Variants in GABRG3 observed in about 807,000 individuals in gnomAD.
The protein encoded by GABRG3 is gamma-aminobutyric acid receptor subunit gamma-3.
A neutral mutation model predicts 48.8 loss-of-function variants in GABRG3; 25 were observed. The ratio of observed to expected loss-of-function variants is 0.51; its 90% CI spans 0.37 to 0.72. The LOEUF (loss-of-function observed/expected upper bound fraction) is 0.72. GABRG3 is among the 30% of genes least tolerant of loss of function. The pLI is 0.00. For synonymous variants in GABRG3, 227 were observed against 217.6 expected (o/e 1.04, Z -0.38); for missense variants, 394 against 577.9 (o/e 0.68, Z 3.26).
chr15:27,198,015 T>C (rs1037079662), intron 3 of GABRG3, among the ~76,000 whole-genome samples: 9 of 152,210 alleles, frequency 5.9e-5, no homozygotes, highest in Non-Finnish European at 1.3e-4. Context: ...TTAGTCTGGC[T>C]AGCGGTCTAT....
intron 3 of GABRG3, among the ~76,000 whole-genome samples, chr15:27,212,838 T>C (rs1285446944): frequency 2.6e-5 from 4 of 152,222 alleles, no homozygotes; most frequent in Non-Finnish European, 5.9e-5. Flanking sequence ...ATGGTATTTG[T>C]CCTTTTGTGA....
Position 27,098,324 on chromosome 15 carries a change from C to T in GABRG3, c.270+71503C>T, listed in dbSNP as rs1480237430. On this transcript the variant is annotated intron_variant, in intron 3 of 9. Transcript: ENST00000615808. ...TGGCAGGCATCTATAGTTCCAGCTA[C>T]TCGGGAGGCTGATACAGGAGAATTG... 2.6e-5 allele frequency among the ~76,000 whole-genome samples: 4 copies of T among 152,234 alleles called. No individual in the cohort carries two copies. The East Asian group carries it at 5.8e-4, about 22-fold the overall frequency.
At chr15:27,204,613 T>G (rs1202022394) in intron 3 of GABRG3, among the ~76,000 whole-genome samples, 2 of 152,208 alleles carry the variant, frequency 1.3e-5, no homozygotes, top group Admixed American at 1.3e-4. Context: ...GCATTGAATC[T>G]GTAAATTGCT....
At chr15:27,057,358 G>A (rs1896567824) in intron 3 of GABRG3, among the ~76,000 whole-genome samples, 1 of 152,190 alleles carries the variant, frequency 6.6e-6, no homozygotes, top group Admixed American at 6.5e-5. Flanking sequence ...AGTAGAGAAT[G>A]TTTTCTGAAA....
chr15:27,200,873 A>G (rs376724699), intron 3 of GABRG3, among the ~76,000 whole-genome samples: 2 of 152,194 alleles, frequency 1.3e-5, no homozygotes, highest in South Asian at 2.1e-4. Flanking sequence ...TTTCTTCACT[A>G]CAAATTTTTT....
chr15:26,974,843 TTTATTA>T lies in GABRG3; in HGVS notation c.54-2117_54-2112del, dbSNP rs59391125. 0.31 allele frequency among the ~76,000 whole-genome samples: 42,891 copies of T among 140,614 alleles called. 6,617 individuals are homozygous for T. The highest frequency in any genetic ancestry group is 0.4 in the Middle Eastern group (106 of 268). The allele number at this position is 140,614 out of a possible 152,430, so 92.2% of individuals were successfully genotyped here. A position where few individuals can be genotyped will look rare whatever the true frequency, so the allele number is the denominator to read the frequency against. ...CAGATGACACGAAATATTTTTTAAA[TTTATTA>T]TTATTATTATTATTATTATTATTAT... On this transcript the variant is annotated intron_variant, in intron 1 of 9. Transcript: ENST00000615808. This position sits in a 1 kb window ranked among gnomAD's most constrained non-coding sequence, Gnocchi z 4.3.
chr15:27,341,604 C>T (rs910035261), intron 5 of GABRG3, among the ~76,000 whole-genome samples: 19 of 152,102 alleles, frequency 1.2e-4, no homozygotes, highest in African/African-American at 4.6e-4. Context: ...GAACATCAAG[C>T]ACGAAGAGAT....
chr15:27,114,515 A>G (rs1373236846), intron 3 of GABRG3, among the ~76,000 whole-genome samples: 1 of 152,224 alleles, frequency 6.6e-6, no homozygotes, highest in Non-Finnish European at 1.5e-5. Flanking sequence ...TAACAGTCCC[A>G]GTATAACCAT....
chr15:27,095,480 CT>C (rs1425872206), intron 3 of GABRG3, among the ~76,000 whole-genome samples: 1 of 116,112 alleles, frequency 8.6e-6, no homozygotes, highest in Admixed American at 9.3e-5. Context: ...CACATAGATG[CT>C]GGCGAATGTG....
rs1375653022 is a variant in GABRG3 at position 27,308,099 on chromosome 15, CAT to C, written c.271-18705_271-18704del. ...GTTTATACATCCAAACATATATAAA[CAT>C]ATATGTTTATACATCCAAACATATA... On this transcript the variant is annotated intron_variant, in intron 3 of 9. Transcript: ENST00000615808. Among the ~76,000 whole-genome samples, 52 of 125,582 alleles carry C rather than the reference CAT, an allele frequency of 4.1e-4. 1 individual carries two copies. Among genetic ancestry groups the C allele is most frequent in the East Asian group, 2.8e-3 (12 of 4,238 alleles). The allele number at this position is 125,582 out of a possible 152,430, so 82.4% of individuals were successfully genotyped here. A position where few individuals can be genotyped will look rare whatever the true frequency, so the allele number is the denominator to read the frequency against.
At position 27,271,685 on chromosome 15, in the gene GABRG3, G is replaced by A. The variant is rs182036886; in HGVS notation, c.271-55124G>A. 2.1e-3 allele frequency: 931 copies of A among 452,210 alleles called. 10 individuals carry two copies. The highest frequency in any genetic ancestry group is 0.017 in the African/African-American group (844 of 50,160). The allele number at this position is 452,210 out of a possible 1,614,324, so 28.0% of individuals were successfully genotyped here. A position where few individuals can be genotyped will look rare whatever the true frequency, so the allele number is the denominator to read the frequency against. On this transcript the variant is annotated intron_variant, in intron 3 of 9. Coordinates refer to ENST00000615808, the MANE Select transcript of GABRG3 (RefSeq NM_033223.5). The stretch of plus-strand genomic sequence containing the variant: ...TCCCCTGGGAACCGTGTGGGAGCAG[G>A]TGTGTGGTGGCTGGCACAGCGCCAG...
chr15:27,188,308 C>G (rs1035093366), intron 3 of GABRG3, among the ~76,000 whole-genome samples: 13 of 152,208 alleles, frequency 8.5e-5, no homozygotes, highest in Non-Finnish European at 1.8e-4. Flanking sequence ...GCCACACTGA[C>G]TTCCACAATG....
intron 3 of GABRG3, among the ~76,000 whole-genome samples, chr15:27,135,916 A>C (rs1898000631): frequency 6.6e-6 from 1 of 152,166 alleles, no homozygotes; most frequent in Admixed American, 6.5e-5. Flanking sequence ...AAAACAAAAC[A>C]AACAAAAAAC....
At chr15:27,349,192 A>G (rs1894473598) in intron 5 of GABRG3, among the ~76,000 whole-genome samples, 2 of 152,160 alleles carry the variant, frequency 1.3e-5, no homozygotes, top group African/African-American at 4.8e-5. Flanking sequence ...TTATACATAT[A>G]TATATATCTT....
rs1307058690 is a variant in GABRG3 at position 27,307,022 on chromosome 15, A to ATATAAACATATATAAACATGTT, written c.271-19778_271-19777insATATAAACATGTTTATAAACAT. Among the ~76,000 whole-genome samples the ATATAAACATATATAAACATGTT allele has an allele frequency of 4.6e-4, 56 of 121,632 alleles. 9 individuals are homozygous for ATATAAACATATATAAACATGTT. The highest frequency in any genetic ancestry group is 2.0e-3 in the African/African-American group (54 of 27,522). 79.8% of individuals were successfully genotyped at this position (121,632 alleles called of 152,430 possible). ...TATAAACATGTATAAACATGTTTATATATAAACATGTATAAAATAAACATG... is the reference window on the plus strand; with the variant it reads ...TATAAACATGTATAAACATGTTTATATATAAACATATATAAACATGTTTATAAACATGTATAAAATAAACATG... On this transcript the variant is annotated intron_variant, in intron 3 of 9. Transcript: ENST00000615808.
chr15:27,325,440 T>G (rs201870769), intron 3 of GABRG3, among the ~76,000 whole-genome samples: 1 of 152,330 alleles, frequency 6.6e-6, no homozygotes, highest in East Asian at 1.9e-4. Flanking sequence ...TGCTCCCAGC[T>G]GTTGCTTTCC....
At chr15:27,187,824 C>A (rs1270740433) in intron 3 of GABRG3, among the ~76,000 whole-genome samples, 2 of 151,510 alleles carry the variant, frequency 1.3e-5, no homozygotes, top group African/African-American at 4.9e-5. Flanking sequence ...TGTGCTGCAC[C>A]CACTAACTCG....
At chr15:27,206,877 C>CT (rs1020680279) in intron 3 of GABRG3, among the ~76,000 whole-genome samples, 23 of 151,996 alleles carry the variant, frequency 1.5e-4, no homozygotes, top group East Asian at 5.8e-4. Context: ...AACCGGTGCT[C>CT]TTTTTTTTGT....
intron 3 of GABRG3, among the ~76,000 whole-genome samples, chr15:27,193,647 G>GAACT (rs1352669721): frequency 6.6e-6 from 1 of 152,174 alleles, no homozygotes; most frequent in Non-Finnish European, 1.5e-5. Context: ...CTAGGAAAGG[G>GAACT]AACTCCCTGA....
Sources: gnomAD v4.1 joint callset for allele counts (sites outside exome capture counted in the v4.1 genomes callset) on GRCh38, gnomAD v4.1.1 for gene constraint, Gnocchi (gnomAD v3.1) non-coding constraint, MANE v1.5 for transcripts, NCBI Gene and HGNC (gene_info 2026-07-23, HGNC 2026-07-21) for gene names.